The following GSR variants were observed in gnomAD, a reference collection of about 807,000 sequenced individuals.
GSR encodes glutathione-disulfide reductase, also known as glutathione reductase, mitochondrial.
GSR carries 48 observed loss-of-function variants against 56.5 expected under a neutral mutation model. That is an observed-to-expected ratio of 0.85 (90% confidence interval 0.67 to 1.08). The LOEUF (loss-of-function observed/expected upper bound fraction) is 1.08, where lower values mean the gene tolerates loss of function less well. Among genes scored for constraint, GSR ranks in the 50% least tolerant of loss-of-function variants. The pLI, the probability that GSR is intolerant of heterozygous loss-of-function variation, is 0.00. For synonymous variants in GSR, 264 were observed against 270.8 expected, an observed-to-expected ratio of 0.97 and a Z score of 0.25; for missense variants, 694 against 703.3, an observed-to-expected ratio of 0.99 and a Z score of 0.15.
rs1804122537 is a variant in GSR, at chr8:30,710,959, T to C, written c.334-1057A>G. Among the ~76,000 whole-genome samples the C allele has an allele frequency of 3.3e-5, 5 of 151,944 alleles. No individual in the cohort carries two copies. The South Asian group carries it at 1.0e-3, about 31-fold the overall frequency. On this transcript the variant is annotated intron_variant, in intron 2 of 12. Coordinates refer to ENST00000221130, the MANE Select transcript of GSR (RefSeq NM_000637.5). The stretch of plus-strand genomic sequence containing the variant: ...TGGTTTAAACTACATAAAACCACCT[T>C]ATAATTAATTTATATAATTCATACA...
chr8:30,679,585 C>A lies in GSR; in HGVS notation c.1504G>T (p.Ala502Ser). Residue 502 changes from alanine to serine, a missense_variant, in exon 13 of 13, where the codon GCA (alanine) becomes TCA (serine). Ala to Ser is a moderately conservative substitution (Grantham distance 99). Transcript: ENST00000221130. ...ATGGCGACTGTGTTGTCAAAGTCTGCCTTCGTTGCTCCCATCTTCACTGCA... is the reference window on the plus strand; with the variant it reads ...ATGGCGACTGTGTTGTCAAAGTCTGACTTCGTTGCTCCCATCTTCACTGCA... Reference protein sequence around the residue: ...AVAVKMGATKADFDNTVAIHP... With the variant: ...AVAVKMGATKSDFDNTVAIHP... The A allele has an allele frequency of 6.2e-7, 1 of 1,614,080 alleles. No individual in the cohort carries two copies. The highest frequency in any genetic ancestry group is 1.1e-5 in the South Asian group (1 of 91,074).
chr8:30,716,492 G>T (rs1199607556), intron 1 of GSR, among the ~76,000 whole-genome samples: 1 of 152,170 alleles, frequency 6.6e-6, no homozygotes, highest in Non-Finnish European at 1.5e-5. Flanking sequence ...TGACTTCAGC[G>T]CCTCTGACTT....
At chr8:30,707,952 G>T in intron 4 of GSR, 120 bp downstream of exon 4, 1 of 614,662 alleles carries the variant, frequency 1.6e-6, no homozygotes. Flanking sequence ...GCGAGACCCT[G>T]TCTCCAAAAA....
At chr8:30,687,512 G>C (rs8191014) in intron 9 of GSR, 1 of 152,062 alleles carries the variant, frequency 6.6e-6, no homozygotes, top group Non-Finnish European at 1.5e-5. Flanking sequence ...GACGGGCGTG[G>C]TGGTACACGC....
rs564786593 is a variant in GSR, at chr8:30,689,457, T to C, written c.883-138A>G. 15 of 771,954 alleles carry C rather than the reference T, an allele frequency of 1.9e-5. No homozygotes were observed. The South Asian group carries it at 2.1e-4, about 11-fold the overall frequency. 47.8% of individuals were successfully genotyped at this position (771,954 alleles called of 1,614,324 possible). ...TGAATCCCACATACAAAGATAGACA[T>C]AAACTTTTACCCAAAGGCCACCAAC... On this transcript the variant is annotated intron_variant, in intron 8 of 12. Coordinates refer to ENST00000221130, the MANE Select transcript of GSR (RefSeq NM_000637.5).
In GSR at chr8:30,727,811, T is replaced by C. The variant is rs1268084766; in HGVS notation, c.25A>G (p.Ser9Gly). The C allele has an allele frequency of 1.5e-6, 2 of 1,299,508 alleles. No individual in the cohort carries two copies. Among genetic ancestry groups the C allele is most frequent in the Non-Finnish European group, 1.9e-6 (2 of 1,026,524 alleles). The allele number at this position is 1,299,508 out of a possible 1,614,324, so 80.5% of individuals were successfully genotyped here. A position where few individuals can be genotyped will look rare whatever the true frequency, so the allele number is the denominator to read the frequency against. MALLPRAL[S>G]AGAGPSWRRA... is the part of the protein sequence containing the mutation. ...CGCCAGCTCGGTCCCGCGCCGGCGC[T>C]CAGGGCTCGGGGCAGCAGGGCCATG... The change falls in exon 1 of 13, where the codon AGC (serine) becomes GGC (glycine). Residue 9 changes from serine to glycine, a missense_variant. Coordinates refer to ENST00000221130, the MANE Select transcript of GSR (RefSeq NM_000637.5).
At chr8:30,689,351 T>C in intron 8 of GSR, 32 bp from the exon 9 acceptor site, 1 of 1,596,656 alleles carries the variant, frequency 6.3e-7, no homozygotes, top group Non-Finnish European at 8.6e-7. Context: ...TACACATGTG[T>C]GGAGGCTCAG....
At chr8:30,711,986 G>A in intron 2 of GSR, 76 bp downstream of exon 2, 1 of 863,320 alleles carries the variant, frequency 1.2e-6, no homozygotes, top group Non-Finnish European at 1.9e-6. Context: ...TGATCTATTT[G>A]GAAACATTCT....
intron 7 of GSR, among the ~76,000 whole-genome samples, chr8:30,694,182 C>T (rs111426571): frequency 1.4e-3 from 219 of 152,266 alleles, no homozygotes; most frequent in African/African-American, 4.8e-3. Context: ...AAAGTACATA[C>T]TGCCTAGGAT....
At chr8:30,711,950 G>T (rs928443439) in intron 2 of GSR, 112 bp downstream of exon 2, 14 of 679,196 alleles carry the variant, frequency 2.1e-5, no homozygotes, top group African/African-American at 5.4e-5. Flanking sequence ...GGGTCTAGGG[G>T]TTTTTTTTGC....
intron 8 of GSR, among the ~76,000 whole-genome samples, chr8:30,689,866 T>C (rs1484028596): frequency 6.3e-5 from 9 of 142,546 alleles, no homozygotes; most frequent in Non-Finnish European, 1.4e-4. Flanking sequence ...TATATTTATA[T>C]ATAAATATAT....
rs144521813 is a variant in GSR, at chr8:30,709,621, T to C, written c.422+193A>G. On this transcript the variant is annotated intron_variant, in intron 3 of 12. Transcript: ENST00000221130. ...AGAAAAGTTCTGGAAGTGGTAATAG[T>C]GGTGACGACTGTATAACAATGTGAA... Among the ~76,000 whole-genome samples the C allele has an allele frequency of 1.4e-3, 212 of 152,204 alleles. 1 individual carries two copies. The highest frequency in any genetic ancestry group is 5.0e-3 in the African/African-American group (208 of 41,548).
At position 30,681,174 on chromosome 8, in the gene GSR, T is replaced by G. The variant is rs1802943845; in HGVS notation, c.1286-137A>C. On this transcript the variant is annotated intron_variant, in intron 11 of 12. Transcript: ENST00000221130. The stretch of plus-strand genomic sequence containing the variant: ...TCAAACCACGCCAAAATGAGAAGTA[T>G]TCTACAAAATAAATGTCAGTGTCAT... 6 of 754,180 alleles carry G rather than the reference T, an allele frequency of 8.0e-6. No individual in the cohort carries two copies. In the East Asian group the frequency reaches 1.5e-4, roughly 19 times the overall value. The allele number at this position is 754,180 out of a possible 1,614,324, so 46.7% of individuals were successfully genotyped here. A position where few individuals can be genotyped will look rare whatever the true frequency, so the allele number is the denominator to read the frequency against.
intron 1 of GSR, among the ~76,000 whole-genome samples, chr8:30,716,018 G>T (rs181695870): frequency 9.9e-5 from 15 of 152,202 alleles, no homozygotes; most frequent in African/African-American, 3.6e-4. Flanking sequence ...TTTTTTAGAA[G>T]TTTCTGCCTT....
intron 10 of GSR, among the ~76,000 whole-genome samples, chr8:30,683,754 CAAAA>C (rs10679532): frequency 7.0e-6 from 1 of 141,964 alleles, no homozygotes; most frequent in Non-Finnish European, 1.5e-5. Flanking sequence ...AGAGTGTCTC[CAAAA>C]AAAAAAAAAA....
intron 6 of GSR, among the ~76,000 whole-genome samples, chr8:30,698,039 T>C (rs1318448854): frequency 6.6e-6 from 1 of 152,114 alleles, no homozygotes; most frequent in African/African-American, 2.4e-5. Flanking sequence ...GATTTCTCTT[T>C]ACCTCGTTGC....
intron 2 of GSR, among the ~76,000 whole-genome samples, chr8:30,710,595 C>A (rs1804095702): frequency 6.7e-6 from 1 of 150,288 alleles, no homozygotes; most frequent in Admixed American, 6.7e-5. Context: ...TGATGCACGC[C>A]TGTAGTCCCA....
rs147774791 is a variant in GSR, at chr8:30,681,993, A to G, written c.1222T>C (p.Tyr408His). Residue 408 changes from tyrosine to histidine, a missense_variant, in exon 11 of 13, where the codon TAT (tyrosine) becomes CAT (histidine). Coordinates refer to ENST00000221130, the MANE Select transcript of GSR (RefSeq NM_000637.5). ...AAGACCACAGTTGGGATGTTGTTAT[A>G]ATCTAATTTGGAATCTTCCTTATAT... ...FEYKEDSKLDYNNIPTVVFSH... is the reference protein window; with the variant it reads ...FEYKEDSKLDHNNIPTVVFSH... 6.2e-7 allele frequency: 1 copy of G among 1,613,314 alleles called. No homozygotes were observed. The highest frequency in any genetic ancestry group is 8.5e-7 in the Non-Finnish European group (1 of 1,179,238).
chr8:30,682,802 TTTATTA>T (rs1211430901), intron 10 of GSR, among the ~76,000 whole-genome samples: 2 of 151,476 alleles, frequency 1.3e-5, no homozygotes, highest in South Asian at 2.1e-4. Context: ...GCCTAGAATC[TTTATTA>T]TTATTATCAT....
Sources: allele counts gnomAD v4.1 joint callset (sites outside exome capture counted in the v4.1 genomes callset), GRCh38; gene constraint gnomAD v4.1.1; transcripts MANE v1.5; gene names NCBI Gene and HGNC (gene_info 2026-07-23, HGNC 2026-07-21).